The following MCTP2 variants were observed in gnomAD, a reference collection of about 807,000 sequenced individuals.
MCTP2 encodes multiple C2 and transmembrane domain-containing protein 2.
In MCTP2, 132 loss-of-function variants were observed where a neutral mutation model predicts 111.6. That is an observed-to-expected ratio of 1.18 (90% CI 1.03 to 1.37). The LOEUF (loss-of-function observed/expected upper bound fraction) is 1.37. MCTP2 is among the 40% of genes most tolerant of loss of function. The pLI is 0.00. For missense variants in MCTP2, 1,183 were observed against 1,067.9 expected, an observed-to-expected ratio of 1.11 and a Z score of -1.50; for synonymous variants, 395 against 387.7, an observed-to-expected ratio of 1.02 and a Z score of -0.22.
chr15:94,340,935 C>T lies in MCTP2; in HGVS notation c.969+11C>T, dbSNP rs756121001. 6.6e-7 allele frequency: 1 copy of T among 1,526,316 alleles called. No homozygotes were observed. Among genetic ancestry groups the T allele is most frequent in the South Asian group, 1.1e-5 (1 of 89,210 alleles). 94.5% of individuals were successfully genotyped at this position (1,526,316 alleles called of 1,614,324 possible). On this transcript the variant is annotated intron_variant, in intron 7 of 22. Coordinates refer to ENST00000357742, the MANE Select transcript of MCTP2 (RefSeq NM_001385001.1). ...GATTTCAAGAGACACGTAAGTGGGACCTTCTATTCTTTTGAAACCTCTCAT... is the reference window on the plus strand; with the variant it reads ...GATTTCAAGAGACACGTAAGTGGGATCTTCTATTCTTTTGAAACCTCTCAT...
At chr15:94,411,459 C>T (rs374560059) in intron 17 of MCTP2, among the ~76,000 whole-genome samples, 1 of 152,188 alleles carries the variant, frequency 6.6e-6, no homozygotes, top group African/African-American at 2.4e-5. Flanking sequence ...GTGATGTGGG[C>T]GTGCTTGCTG....
In MCTP2 at chr15:94,356,306, G is replaced by T. The variant is rs1438279810; in HGVS notation, c.1170+5G>T. ...GATCAGAGGTATAAAAGTAAGGTAA[G>T]TTCCATCTTTTCCATAAGGAGAACA... On this transcript the variant is annotated splice_donor_5th_base_variant and intron_variant, in intron 9 of 22. Transcript: ENST00000357742. 1.3e-6 allele frequency: 2 copies of T among 1,573,068 alleles called. No homozygotes were observed. Among genetic ancestry groups the T allele is most frequent in the Non-Finnish European group, 8.6e-7 (1 of 1,162,188 alleles).
intron 14 of MCTP2, among the ~76,000 whole-genome samples, chr15:94,385,993 G>A (rs1298719065): frequency 1.3e-5 from 2 of 152,128 alleles, no homozygotes; most frequent in African/African-American, 2.4e-5. Context: ...CTTTTTAGCA[G>A]TCATGTTTGC....
chr15:94,242,054 A>G (rs577882454), intron 1 of MCTP2, among the ~76,000 whole-genome samples: 6 of 152,264 alleles, frequency 3.9e-5, no homozygotes, highest in African/African-American at 1.2e-4. Context: ...CCATTCAGCA[A>G]GAGTTCCTGT....
intron 1 of MCTP2, among the ~76,000 whole-genome samples, chr15:94,274,422 C>T (rs539075376): frequency 1.6e-4 from 24 of 151,312 alleles, no homozygotes; most frequent in Admixed American, 1.2e-3. Flanking sequence ...TAGTCAAAAA[C>T]CAAAATTAAT....
intron 8 of MCTP2, among the ~76,000 whole-genome samples, chr15:94,347,033 C>T (rs905927455): frequency 2.6e-5 from 4 of 151,990 alleles, no homozygotes; most frequent in Admixed American, 6.6e-5. Context: ...ATAAAGTTTA[C>T]TTTATTAATT....
intron 10 of MCTP2, among the ~76,000 whole-genome samples, chr15:94,362,055 C>T (rs1379781294): frequency 1.3e-5 from 2 of 152,144 alleles, no homozygotes; most frequent in African/African-American, 4.8e-5. Context: ...CTCCTAAAAA[C>T]ACTGGGGTTG....
At chr15:94,373,567 A>G (rs2079598288) in intron 12 of MCTP2, among the ~76,000 whole-genome samples, 1 of 152,204 alleles carries the variant, frequency 6.6e-6, no homozygotes, top group Non-Finnish European at 1.5e-5. Context: ...ACCTGTTAAT[A>G]CATTTAAATG....
At chr15:94,449,854 A>C (rs1343746942) in intron 19 of MCTP2, among the ~76,000 whole-genome samples, 1 of 152,182 alleles carries the variant, frequency 6.6e-6, no homozygotes, top group Non-Finnish European at 1.5e-5. Context: ...CCCCTGGTAT[A>C]TTTATCTACA....
intron 2 of MCTP2, among the ~76,000 whole-genome samples, chr15:94,307,703 G>A (rs2075951872): frequency 6.6e-6 from 1 of 152,198 alleles, no homozygotes; most frequent in Admixed American, 6.5e-5. Context: ...TGTAGACACT[G>A]GGTATAGCAG....
intron 17 of MCTP2, among the ~76,000 whole-genome samples, chr15:94,430,365 A>C (rs1023696318): frequency 6.7e-6 from 1 of 148,620 alleles, no homozygotes; most frequent in Non-Finnish European, 1.5e-5. Flanking sequence ...TTTTTAAAAA[A>C]AAACAAACAA....
chr15:94,290,972 C>T (rs985928993), intron 1 of MCTP2, among the ~76,000 whole-genome samples: 1 of 152,158 alleles, frequency 6.6e-6, no homozygotes, highest in East Asian at 1.9e-4. Flanking sequence ...TTACTCCTGT[C>T]TCAGTAATAG....
chr15:94,281,377 A>G (rs2074477849), intron 1 of MCTP2, among the ~76,000 whole-genome samples: 1 of 152,050 alleles, frequency 6.6e-6, no homozygotes, highest in Non-Finnish European at 1.5e-5. Context: ...AAAAAATAGG[A>G]ACCCCTGCTT....
chr15:94,452,213 T>C (rs1596761947), intron 19 of MCTP2, among the ~76,000 whole-genome samples: 1 of 152,242 alleles, frequency 6.6e-6, no homozygotes, highest in South Asian at 2.1e-4. Flanking sequence ...TCCTGTGATA[T>C]GTCCATTGGT....
chr15:94,479,144 G>T lies in MCTP2; in HGVS notation c.*110G>T. On this transcript the variant is annotated 3_prime_UTR_variant, in exon 23 of 23. Transcript: ENST00000357742. ...GGTGTCCTTCTGAAATGCATGCCCT[G>T]TGGCACCCTCTGTATACTTCCTCCT... The T allele has an allele frequency of 9.8e-7, 1 of 1,022,056 alleles. No homozygotes were observed. Among genetic ancestry groups the T allele is most frequent in the Non-Finnish European group, 1.5e-6 (1 of 649,690 alleles). 63.3% of individuals were successfully genotyped at this position (1,022,056 alleles called of 1,614,324 possible).
At chr15:94,404,218 T>G (rs1208666865) in intron 17 of MCTP2, among the ~76,000 whole-genome samples, 1 of 152,146 alleles carries the variant, frequency 6.6e-6, no homozygotes, top group African/African-American at 2.4e-5. Context: ...AAACCATTTC[T>G]GCTATTAAAA....
chr15:94,304,071 A>T (rs1159901419), intron 2 of MCTP2, among the ~76,000 whole-genome samples: 1 of 152,192 alleles, frequency 6.6e-6, no homozygotes, highest in Non-Finnish European at 1.5e-5. Context: ...CAGAGGACTG[A>T]CTCATGATAA....
At chr15:94,418,059 T>A (rs1470181882) in intron 17 of MCTP2, among the ~76,000 whole-genome samples, 1 of 152,132 alleles carries the variant, frequency 6.6e-6, no homozygotes, top group African/African-American at 2.4e-5. Context: ...CCAGAGCATT[T>A]TTTTCTGTGT....
chr15:94,234,456 T>C (rs1259374499), intron 1 of MCTP2, among the ~76,000 whole-genome samples: 1 of 152,172 alleles, frequency 6.6e-6, no homozygotes, highest in African/African-American at 2.4e-5. Flanking sequence ...ACACTCAGCA[T>C]TTCCCAGCAG....
Sources: gnomAD v4.1 joint callset for allele counts (sites outside exome capture counted in the v4.1 genomes callset) on GRCh38, gnomAD v4.1.1 for gene constraint, MANE v1.5 for transcripts, NCBI Gene and HGNC (gene_info 2026-07-23, HGNC 2026-07-21) for gene names.